The following TRPM3 variants were observed in gnomAD, a reference collection of about 807,000 sequenced individuals.
TRPM3 encodes the protein transient receptor potential cation channel subfamily M member 3, also known as long transient receptor potential channel 3.
In TRPM3, 77 loss-of-function variants were observed where a neutral mutation model predicts 181.2. The observed-to-expected ratio is 0.42, with a 90% confidence interval of 0.35 to 0.51. TRPM3 has a LOEUF of 0.51. Ranked by LOEUF, TRPM3 falls within the 20% of genes least tolerant of loss-of-function variation. The pLI, the probability that TRPM3 is intolerant of heterozygous loss-of-function variation, is 0.01. For missense variants in TRPM3, 1,759 were observed against 2,196.7 expected (o/e 0.80, Z 3.98); for synonymous variants, 745 against 796.4 (o/e 0.94, Z 1.09).
chr9:70,999,045 T>A (rs2097572970), intron 1 of TRPM3, among the ~76,000 whole-genome samples: 1 of 152,196 alleles, frequency 6.6e-6, no homozygotes, highest in Non-Finnish European at 1.5e-5. Context: ...TTCTTTAAGC[T>A]CCTTGGTTCC....
At chr9:70,965,964 G>A (rs1314311221) in intron 1 of TRPM3, among the ~76,000 whole-genome samples, 2 of 151,634 alleles carry the variant, frequency 1.3e-5, no homozygotes, top group African/African-American at 4.8e-5. Flanking sequence ...GCTACAGAAT[G>A]GGAGAAAACT....
At chr9:71,064,542 C>G (rs772115385) in intron 1 of TRPM3, among the ~76,000 whole-genome samples, 15 of 151,432 alleles carry the variant, frequency 9.9e-5, no homozygotes, top group Non-Finnish European at 1.9e-4. Flanking sequence ...TACTCAAGTT[C>G]TTATATTTGA....
At position 70,962,743 on chromosome 9, in the gene TRPM3, G is replaced by A. The variant is rs201271497; in HGVS notation, c.178-98232C>T. ...ATACTCTAATAAATGTTATATGAATGTGGTCTCTCTCTCTCTCTCAAAATA... is the reference window on the plus strand; with the variant it reads ...ATACTCTAATAAATGTTATATGAATATGGTCTCTCTCTCTCTCTCAAAATA... On this transcript the variant is annotated intron_variant, in intron 1 of 25. Coordinates refer to ENST00000677713, the MANE Select transcript of TRPM3 (RefSeq NM_001366145.2). 3.3e-5 allele frequency among the ~76,000 whole-genome samples: 5 copies of A among 152,184 alleles called. No homozygotes were observed. The East Asian group carries it at 9.7e-4, about 29-fold the overall frequency.
chr9:71,073,062 G>A (rs499720), intron 1 of TRPM3, among the ~76,000 whole-genome samples: 83,713 of 152,012 alleles, frequency 0.55, 23,740 homozygotes, highest in African/African-American at 0.69. Context: ...TTTCATTTCT[G>A]TGTTCATTCC....
intron 1 of TRPM3, among the ~76,000 whole-genome samples, chr9:70,894,855 C>T (rs1022007937): frequency 2.0e-5 from 3 of 152,130 alleles, no homozygotes; most frequent in Admixed American, 1.3e-4. Flanking sequence ...TTTAGTGTCA[C>T]GCTGATTCTA....
chr9:70,701,547 T>C (rs193037576), intron 8 of TRPM3, among the ~76,000 whole-genome samples: 6 of 152,224 alleles, frequency 3.9e-5, no homozygotes, highest in Admixed American at 3.3e-4. Context: ...AAATTAGTCT[T>C]TTTTTCCTTT....
At chr9:71,350,211 T>A (rs2091542952) in intron 1 of TRPM3, among the ~76,000 whole-genome samples, 2 of 152,168 alleles carry the variant, frequency 1.3e-5, no homozygotes, top group East Asian at 1.9e-4. Flanking sequence ...TGAAAAGAAG[T>A]CACAATTTAT....
intron 6 of TRPM3, among the ~76,000 whole-genome samples, chr9:70,800,955 TAGTA>T (rs955148286): frequency 7.2e-5 from 11 of 152,144 alleles, no homozygotes; most frequent in African/African-American, 2.7e-4. Flanking sequence ...TTCACACAAC[TAGTA>T]AGTGTCAGAA....
At chr9:71,268,154 T>G (rs1037044291) in intron 1 of TRPM3, among the ~76,000 whole-genome samples, 1 of 151,956 alleles carries the variant, frequency 6.6e-6, no homozygotes, top group African/African-American at 2.4e-5. Flanking sequence ...ACCGAAGCAG[T>G]TGGACCACAT....
intron 1 of TRPM3, among the ~76,000 whole-genome samples, chr9:71,329,442 T>G (rs565537281): frequency 6.6e-6 from 1 of 152,310 alleles, no homozygotes; most frequent in African/African-American, 2.4e-5. Context: ...TCCCAAAGCC[T>G]TATAGGTGAG....
intron 1 of TRPM3, among the ~76,000 whole-genome samples, chr9:70,904,716 A>G (rs1353855997): frequency 1.3e-5 from 2 of 152,172 alleles, no homozygotes; most frequent in Non-Finnish European, 2.9e-5. Flanking sequence ...CTGAGAATAT[A>G]TATTTTTCAG....
chr9:70,677,613 CTCTT>C (rs2134179368), intron 9 of TRPM3, among the ~76,000 whole-genome samples: 1 of 152,354 alleles, frequency 6.6e-6, no homozygotes, highest in East Asian at 1.9e-4. Context: ...TTCCATCAGA[CTCTT>C]TCTGTGTAAT....
At chr9:71,288,635 TGAG>T (rs1254150288) in intron 1 of TRPM3, among the ~76,000 whole-genome samples, 10 of 151,978 alleles carry the variant, frequency 6.6e-5, no homozygotes, top group Admixed American at 6.6e-4. Context: ...ATTAGGGAAA[TGAG>T]GAGAATTCCT....
At position 70,815,738 on chromosome 9, in the gene TRPM3, T is replaced by C. The variant is rs899609728; in HGVS notation, c.973+12109A>G. ...TAGCTCTTTGTCATTGTTGTGAATA[T>C]TTTCTTTGCATTGCCACTTGTCTTT... On this transcript the variant is annotated intron_variant, in intron 6 of 25. Coordinates refer to ENST00000677713, the MANE Select transcript of TRPM3 (RefSeq NM_001366145.2). Among the ~76,000 whole-genome samples, 13 of 152,330 alleles carry C rather than the reference T, an allele frequency of 8.5e-5. No individual in the cohort carries two copies. In the East Asian group the frequency reaches 2.1e-3, roughly 25 times the overall value.
intron 1 of TRPM3, among the ~76,000 whole-genome samples, chr9:71,142,268 A>G (rs1392370639): frequency 6.6e-6 from 1 of 152,074 alleles, no homozygotes; most frequent in Non-Finnish European, 1.5e-5. Flanking sequence ...ACCGTTTTGC[A>G]TGTGGTGGCC....
intron 1 of TRPM3, among the ~76,000 whole-genome samples, chr9:71,022,927 G>A (rs1175990458): frequency 6.6e-6 from 1 of 151,924 alleles, no homozygotes; most frequent in Admixed American, 6.6e-5. Context: ...AATCTTTGAG[G>A]TCTTGGGCTA....
intron 9 of TRPM3, among the ~76,000 whole-genome samples, chr9:70,678,357 T>G (rs978929122): frequency 6.6e-6 from 1 of 152,140 alleles, no homozygotes; most frequent in African/African-American, 2.4e-5. Flanking sequence ...AGCCATAACC[T>G]CCTGGGCTCA....
At chr9:70,838,129 G>A (rs1890017) in intron 5 of TRPM3, among the ~76,000 whole-genome samples, 15,857 of 152,132 alleles carry the variant, frequency 0.1, 948 homozygotes, top group African/African-American at 0.15. Flanking sequence ...ATCTTACAGA[G>A]TTTAAGTGGC....
chr9:70,684,937 A>G (rs1169590645), intron 8 of TRPM3, among the ~76,000 whole-genome samples: 3 of 152,186 alleles, frequency 2.0e-5, no homozygotes, highest in Admixed American at 2.0e-4. Context: ...CCCTATAACA[A>G]AGGAATTCAC....
Sources: gnomAD v4.1 joint callset for allele counts (sites outside exome capture counted in the v4.1 genomes callset) on GRCh38, gnomAD v4.1.1 for gene constraint, MANE v1.5 for transcripts, NCBI Gene and HGNC (gene_info 2026-07-23, HGNC 2026-07-21) for gene names.